MTA3: variants seen among roughly 807,000 people sequenced by gnomAD.
The protein encoded by MTA3 is metastasis associated 1 family member 3, also known as metastasis-associated protein MTA3.
In MTA3, 34 loss-of-function variants were observed where a neutral mutation model predicts 83.5. The observed-to-expected ratio is 0.41, with a 90% confidence interval of 0.31 to 0.54. The LOEUF (loss-of-function observed/expected upper bound fraction) is 0.54. MTA3 is among the 20% of genes least tolerant of loss of function. The pLI, the probability that MTA3 is intolerant of heterozygous loss-of-function variation, is 0.33. For missense variants in MTA3, 761 were observed against 726.4 expected, an observed-to-expected ratio of 1.05 and a Z score of -0.55; for synonymous variants, 303 against 252.7, an observed-to-expected ratio of 1.20 and a Z score of -1.89.
intron 7 of MTA3, among the ~76,000 whole-genome samples, chr2:42,657,790 G>A (rs1347913909): frequency 6.9e-6 from 1 of 145,042 alleles, no homozygotes; most frequent in African/African-American, 2.5e-5. Flanking sequence ...AAAAGGGCCC[G>A]GCACAGTGGC....
intron 16 of MTA3, among the ~76,000 whole-genome samples, chr2:42,726,094 A>C (rs1667796613): frequency 6.6e-6 from 1 of 152,234 alleles, no homozygotes; most frequent in African/African-American, 2.4e-5. Flanking sequence ...CATATACTGA[A>C]ATAGATACAA....
chr2:42,608,712 G>A (rs1233438223), intron 3 of MTA3, among the ~76,000 whole-genome samples: 3 of 152,038 alleles, frequency 2.0e-5, no homozygotes, highest in African/African-American at 4.8e-5. Flanking sequence ...GTGTAACGCT[G>A]TCTCTACTAA....
chr2:42,619,304 C>A (rs189497642), intron 4 of MTA3, among the ~76,000 whole-genome samples: 2 of 152,198 alleles, frequency 1.3e-5, no homozygotes, highest in Admixed American at 1.3e-4. Context: ...TTGGAATAGA[C>A]AAAGATTTCT....
At chr2:42,619,812 T>A (rs190310196) in intron 4 of MTA3, among the ~76,000 whole-genome samples, 14 of 152,322 alleles carry the variant, frequency 9.2e-5, no homozygotes, top group Admixed American at 2.6e-4. Flanking sequence ...ACTTACCTTT[T>A]TTCTGTGTTG....
At chr2:42,731,155 T>G (rs1452804091) in intron 16 of MTA3, among the ~76,000 whole-genome samples, 1 of 152,236 alleles carries the variant, frequency 6.6e-6, no homozygotes, top group Non-Finnish European at 1.5e-5. Flanking sequence ...AATCACCTTT[T>G]TGTTCCATTG....
chr2:42,709,711 G>A (rs1244969596), intron 14 of MTA3, among the ~76,000 whole-genome samples: 1 of 152,156 alleles, frequency 6.6e-6, no homozygotes, highest in Non-Finnish European at 1.5e-5. Flanking sequence ...TGAGTTTTCT[G>A]AAATTACACA....
intron 3 of MTA3, among the ~76,000 whole-genome samples, chr2:42,608,688 G>A (rs544647956): frequency 6.6e-6 from 1 of 152,260 alleles, no homozygotes; most frequent in African/African-American, 2.4e-5. Context: ...TTCGAGACCA[G>A]CCTGGGCAAC....
chr2:42,498,250 A>T (rs1304970773), intron 2 of MTA3, among the ~76,000 whole-genome samples: 1 of 152,192 alleles, frequency 6.6e-6, no homozygotes, highest in Non-Finnish European at 1.5e-5. Flanking sequence ...AGCTTTTCGA[A>T]TGGAAATTCA....
intron 2 of MTA3, among the ~76,000 whole-genome samples, chr2:42,549,884 T>TCC (rs745306020): frequency 1.5e-4 from 23 of 151,200 alleles, no homozygotes; most frequent in African/African-American, 5.6e-4. Flanking sequence ...GGCACATGCA[T>TCC]CCTCCCTTCC....
chr2:42,516,071 C>A (rs549031381), intron 2 of MTA3, among the ~76,000 whole-genome samples: 1 of 151,940 alleles, frequency 6.6e-6, no homozygotes, highest in Non-Finnish European at 1.5e-5. Context: ...CCCGCCACCA[C>A]GCCCAGCTGA....
intron 2 of MTA3, among the ~76,000 whole-genome samples, chr2:42,562,593 C>G (rs550225123): frequency 6.6e-6 from 1 of 152,262 alleles, no homozygotes; most frequent in East Asian, 1.9e-4. Flanking sequence ...GTGGCTCTGC[C>G]CACACTCTGC....
At chr2:42,606,379 C>T (rs1383193285) in intron 3 of MTA3, among the ~76,000 whole-genome samples, 1 of 149,658 alleles carries the variant, frequency 6.7e-6, no homozygotes, top group Non-Finnish European at 1.5e-5. Flanking sequence ...CCTCACTTCT[C>T]AGACGGGGCG....
At chr2:42,548,294 G>A (rs1676853380) in intron 2 of MTA3, among the ~76,000 whole-genome samples, 1 of 151,916 alleles carries the variant, frequency 6.6e-6, no homozygotes. Flanking sequence ...GCAAAACCCT[G>A]TCTCTACAAA....
intron 2 of MTA3, among the ~76,000 whole-genome samples, chr2:42,534,829 G>A (rs73930431): frequency 0.39 from 59,890 of 151,710 alleles, 12,125 homozygotes; most frequent in Middle Eastern, 0.51. Flanking sequence ...TCACTGTGTT[G>A]CCTAGGCTGG....
In MTA3 at chr2:42,609,563, C is replaced by G; in HGVS notation, c.296C>G (p.Ser99Cys). ...RELFLSRQYE[S>C]LPATHIRGKC... ...CTCTTTTTGTCACGCCAGTATGAATCTCTGCCCGCAACACATATCAGGTAA... is the reference window on the plus strand; with the variant it reads ...CTCTTTTTGTCACGCCAGTATGAATGTCTGCCCGCAACACATATCAGGTAA... The change falls in exon 4 of 17, where the codon TCT becomes TGT. Residue 99 changes from serine (S) to cysteine (C), a missense_variant. Physicochemically the swap from Ser to Cys is moderately radical, Grantham distance 112. Coordinates refer to ENST00000405094, the MANE Select transcript of MTA3 (RefSeq NM_001330442.2). The G allele has an allele frequency of 6.2e-7, 1 of 1,613,784 alleles. No individual in the cohort carries two copies. The highest frequency in any genetic ancestry group is 8.5e-7 in the Non-Finnish European group (1 of 1,179,760).
chr2:42,568,204 A>C (rs997201457), upstream of MTA3: 1 of 152,704 alleles, frequency 6.5e-6, no homozygotes, highest in Non-Finnish European at 1.5e-5. Context: ...GGGCAGCCAC[A>C]GGGGGGTTCC....
At chr2:42,745,709 C>G (rs1400949814) in intron 16 of MTA3, among the ~76,000 whole-genome samples, 7 of 151,626 alleles carry the variant, frequency 4.6e-5, no homozygotes, top group South Asian at 2.1e-4. Context: ...CTTTATATGC[C>G]AACCAGATGT....
chr2:42,701,060 C>A (rs934754521), intron 11 of MTA3, among the ~76,000 whole-genome samples: 2 of 151,802 alleles, frequency 1.3e-5, no homozygotes, highest in Non-Finnish European at 2.9e-5. Flanking sequence ...ATCATGCCAC[C>A]GCACTCTAGT....
chr2:42,659,094 T>C (rs1194112929), intron 7 of MTA3, among the ~76,000 whole-genome samples: 4 of 151,906 alleles, frequency 2.6e-5, no homozygotes, highest in Non-Finnish European at 4.4e-5. Context: ...TGAGACCCTG[T>C]CTCAAAAAAT....
Sources: gnomAD v4.1 joint callset for allele counts (sites outside exome capture counted in the v4.1 genomes callset) on GRCh38, gnomAD v4.1.1 for gene constraint, MANE v1.5 for transcripts, NCBI Gene and HGNC (gene_info 2026-07-23, HGNC 2026-07-21) for gene names.